The following LYPLAL1 variants were observed in gnomAD, a reference collection of about 807,000 sequenced individuals.
LYPLAL1 encodes lysophospholipase-like protein 1.
LYPLAL1 carries 23 observed loss-of-function variants against 19.7 expected under a neutral mutation model. The observed-to-expected ratio is 1.17, with a 90% CI of 0.84 to 1.65. The LOEUF is 1.65. LYPLAL1 is among the 40% of genes most tolerant of loss of function. LYPLAL1 has a pLI of 0.00. For missense variants in LYPLAL1, 355 were observed against 279.4 expected (o/e 1.27, Z -1.93); for synonymous variants, 119 against 96.3 (o/e 1.24, Z -1.38).
At chr1:219,267,709 G>A in the LYPLAL1 span, among the ~76,000 whole-genome samples, 1 of 152,154 alleles carries the variant, frequency 6.6e-6, no homozygotes, top group African/African-American at 2.4e-5. Context: ...TAGAGAATAA[G>A]CTTCAATAAG....
chr1:219,224,922 T>C, the LYPLAL1 span, among the ~76,000 whole-genome samples: 1 of 152,186 alleles, frequency 6.6e-6, no homozygotes, highest in Non-Finnish European at 1.5e-5. Context: ...TCCATATCTT[T>C]ATAGGGTTTG....
the LYPLAL1 span, among the ~76,000 whole-genome samples, chr1:219,293,130 G>T: frequency 6.6e-6 from 1 of 152,174 alleles, no homozygotes. Context: ...GTTTACATCT[G>T]GGATGGGATA....
the LYPLAL1 span, among the ~76,000 whole-genome samples, chr1:219,416,827 G>A: frequency 1.3e-5 from 2 of 152,120 alleles, no homozygotes; most frequent in African/African-American, 2.4e-5. Flanking sequence ...GGTTGCTGCT[G>A]GTTTTTTCTC....
the LYPLAL1 span, among the ~76,000 whole-genome samples, chr1:219,297,605 A>G: frequency 6.6e-6 from 1 of 152,216 alleles, no homozygotes; most frequent in Non-Finnish European, 1.5e-5. Flanking sequence ...AGTCATACAA[A>G]TCATCATTTG....
the LYPLAL1 span, among the ~76,000 whole-genome samples, chr1:219,242,157 A>G: frequency 5.9e-5 from 9 of 152,232 alleles, no homozygotes; most frequent in Non-Finnish European, 1.0e-4. Flanking sequence ...GCTAAGAACT[A>G]TGTCCTGAGA....
chr1:219,286,382 C>T, the LYPLAL1 span, among the ~76,000 whole-genome samples: 22 of 152,236 alleles, frequency 1.4e-4, no homozygotes, highest in Middle Eastern at 3.4e-3. Flanking sequence ...TCAAAACAAA[C>T]AATCTATCAT....
the LYPLAL1 span, among the ~76,000 whole-genome samples, chr1:219,364,521 T>C: frequency 3.0e-5 from 4 of 132,534 alleles, no homozygotes; most frequent in Non-Finnish European, 5.4e-5. Context: ...CGCATCTTGT[T>C]GTTTGTAGTC....
the LYPLAL1 span, among the ~76,000 whole-genome samples, chr1:219,258,866 A>C: frequency 6.6e-6 from 1 of 152,124 alleles, no homozygotes; most frequent in Non-Finnish European, 1.5e-5. Context: ...TTCATAAACT[A>C]TGTATCCAAC....
At chr1:219,324,004 C>T in the LYPLAL1 span, among the ~76,000 whole-genome samples, 1 of 152,074 alleles carries the variant, frequency 6.6e-6, no homozygotes, top group Admixed American at 6.5e-5. Flanking sequence ...ACTAGTAAGC[C>T]GATGCTCTCT....
chr1:219,393,414 C>A, the LYPLAL1 span, among the ~76,000 whole-genome samples: 1 of 152,044 alleles, frequency 6.6e-6, no homozygotes. Flanking sequence ...CCAGATATGC[C>A]CTGCCCTTCA....
At chr1:219,174,042 C>A (rs1054775848) in intron 1 of LYPLAL1, 61 bp downstream of exon 1, 11 of 1,605,556 alleles carry the variant, frequency 6.9e-6, no homozygotes, top group Non-Finnish European at 9.4e-6. Context: ...CCCTCGGTTA[C>A]CCCAGTATTG....
chr1:219,370,699 C>T, the LYPLAL1 span, among the ~76,000 whole-genome samples: 6 of 152,188 alleles, frequency 3.9e-5, no homozygotes, highest in Non-Finnish European at 7.3e-5. Context: ...CATGAACAAC[C>T]TCTCAGACAT....
At chr1:219,384,860 C>T in the LYPLAL1 span, among the ~76,000 whole-genome samples, 2 of 152,194 alleles carry the variant, frequency 1.3e-5, no homozygotes, top group Non-Finnish European at 2.9e-5. Flanking sequence ...CCAGAGACTA[C>T]AGAGCATTCT....
intron 3 of LYPLAL1, among the ~76,000 whole-genome samples, chr1:219,197,257 A>G (rs980233306): frequency 6.6e-6 from 1 of 152,210 alleles, no homozygotes; most frequent in Non-Finnish European, 1.5e-5. Context: ...ACCAAACAGC[A>G]TGGCACTGGT....
chr1:219,193,093 C>T lies in LYPLAL1; in HGVS notation c.203C>T (p.Pro68Leu), dbSNP rs769337337. ...CGGTTGTTAAACAGATCATATACTC[C>T]TATGAAAGGAGGAATCTCCAATGTA... ...YPTAPPRSYT[P>L]MKGGISNVWF... Residue 68 changes from proline (P) to leucine (L), a missense_variant, in exon 3 of 5, where the codon CCT (proline) becomes CTT (leucine). Pro to Leu is a moderately conservative substitution (Grantham distance 98). Transcript: ENST00000366928. 5.0e-6 allele frequency: 8 copies of T among 1,598,704 alleles called. No individual in the cohort carries two copies. The highest frequency in any genetic ancestry group is 2.7e-5 in the African/African-American group (2 of 74,048).
chr1:219,395,637 C>T, the LYPLAL1 span, among the ~76,000 whole-genome samples: 3 of 152,122 alleles, frequency 2.0e-5, no homozygotes, highest in South Asian at 2.1e-4. Context: ...TCCTATTTGT[C>T]GATTTTTGCT....
At chr1:219,305,124 C>T in the LYPLAL1 span, among the ~76,000 whole-genome samples, 6 of 152,054 alleles carry the variant, frequency 3.9e-5, no homozygotes, top group Admixed American at 3.9e-4. Context: ...CTTACATGGA[C>T]TGTGGCTCAA....
chr1:219,399,879 C>T, the LYPLAL1 span, among the ~76,000 whole-genome samples: 1 of 152,214 alleles, frequency 6.6e-6, no homozygotes, highest in African/African-American at 2.4e-5. Flanking sequence ...TTTGGCCATC[C>T]CTAGCCATGC....
At chr1:219,174,275 C>T (rs1394312620) in intron 1 of LYPLAL1, 1 of 1,313,140 alleles carries the variant, frequency 7.6e-7, no homozygotes, top group Non-Finnish European at 9.8e-7. Flanking sequence ...CCATTCCTCG[C>T]CCCAAGTTTA....
Sources: gnomAD v4.1 joint callset for allele counts (sites outside exome capture counted in the v4.1 genomes callset) on GRCh38, gnomAD v4.1.1 for gene constraint, MANE v1.5 for transcripts, NCBI Gene and HGNC (gene_info 2026-07-23, HGNC 2026-07-21) for gene names.